The following LPP variants were observed in gnomAD, a reference collection of about 807,000 sequenced individuals.
LPP encodes LIM domain containing preferred translocation partner in lipoma.
In LPP, 38 loss-of-function variants were observed where a neutral mutation model predicts 60.4. The observed-to-expected ratio is 0.63, with a 90% confidence interval of 0.49 to 0.83. The LOEUF (loss-of-function observed/expected upper bound fraction) is 0.83. Among genes scored for constraint, LPP ranks in the 40% least tolerant of loss-of-function variants. The probability of loss-of-function intolerance (pLI) is 0.00; values close to 1 mark genes in which losing one functional copy is unlikely to be tolerated. For synonymous variants in LPP, 328 were observed against 290.8 expected, an observed-to-expected ratio of 1.13 and a Z score of -1.30; for missense variants, 902 against 783.6, an observed-to-expected ratio of 1.15 and a Z score of -1.80.
In LPP at chr3:188,609,190, A is replaced by T; in HGVS notation, c.459A>T (p.Pro153=). 6.2e-7 allele frequency: 1 copy of T among 1,612,582 alleles called. No individual in the cohort carries two copies. The highest frequency in any genetic ancestry group is 8.5e-7 in the Non-Finnish European group (1 of 1,179,286). ...QSSTGSTASP[P]VSTPVTGHKR... ...CCACTGGTTCAACAGCCTCTCCTCC[A>T]GTTTCGACCCCAGTCACAGGACACA... Residue 153 remains proline, a synonymous_variant, in exon 7 of 12, where the codon CCA becomes CCT. Transcript: ENST00000617246. This position sits in a 1 kb window ranked among gnomAD's most constrained non-coding sequence, Gnocchi z 6.9.
chr3:188,884,864 C>A lies in LPP; in HGVS notation c.*10385C>A. On this transcript the variant is annotated 3_prime_UTR_variant, in exon 12 of 12. Coordinates refer to ENST00000617246, the MANE Select transcript of LPP (RefSeq NM_001375462.1). Reference sequence around the variant, plus strand: ...ATTTCCGATAGAGCCGATCCATGAGCTAACAATGTCTGAAAACAAATGTTA... The same window carrying A: ...ATTTCCGATAGAGCCGATCCATGAGATAACAATGTCTGAAAACAAATGTTA... The A allele has an allele frequency of 4.4e-6, 1 of 225,380 alleles. No individual in the cohort carries two copies. Among genetic ancestry groups the A allele is most frequent in the East Asian group, 6.4e-5 (1 of 15,564 alleles). The allele number at this position is 225,380 out of a possible 1,614,324, so 14.0% of individuals were successfully genotyped here. A position where few individuals can be genotyped will look rare whatever the true frequency, so the allele number is the denominator to read the frequency against.
At chr3:188,521,633 A>G (rs1365886185) in intron 5 of LPP, among the ~76,000 whole-genome samples, 1 of 152,218 alleles carries the variant, frequency 6.6e-6, no homozygotes, top group Non-Finnish European at 1.5e-5. Flanking sequence ...TGGTTGCTAT[A>G]ATTAATGCTA....
At chr3:188,548,918 C>T (rs1827347148) in intron 6 of LPP, among the ~76,000 whole-genome samples, 1 of 152,226 alleles carries the variant, frequency 6.6e-6, no homozygotes, top group Admixed American at 6.5e-5. Flanking sequence ...AAAATTACAT[C>T]TAGGTAGTAG....
chr3:188,682,032 T>A (rs1033884601), intron 7 of LPP, among the ~76,000 whole-genome samples: 2 of 152,220 alleles, frequency 1.3e-5, no homozygotes, highest in African/African-American at 4.8e-5. Context: ...ATTGTCTTAT[T>A]TGATCTTCAC....
intron 2 of LPP, chr3:188,240,031 A>G: frequency 5.1e-6 from 1 of 196,902 alleles, no homozygotes; most frequent in Non-Finnish European, 1.1e-5. Context: ...GAGAGCAAGA[A>G]ATAGAGATGG....
At chr3:188,193,383 G>A (rs187190545) in intron 1 of LPP, among the ~76,000 whole-genome samples, 206 of 152,198 alleles carry the variant, frequency 1.4e-3, no homozygotes, top group Middle Eastern at 6.8e-3. Flanking sequence ...TCTGTGTCTC[G>A]GTTTCCTTAC....
At chr3:188,311,741 C>T (rs765100598) in intron 2 of LPP, among the ~76,000 whole-genome samples, 1 of 151,936 alleles carries the variant, frequency 6.6e-6, no homozygotes, top group African/African-American at 2.4e-5. Context: ...CGAATTCAAG[C>T]GATTCTCCTG....
rs533538306 is a variant in LPP, at chr3:188,816,233, G to T, written c.1411-49967G>T. On this transcript the variant is annotated intron_variant, in intron 9 of 11. Transcript: ENST00000617246. Reference sequence around the variant, plus strand: ...TTTTTTTTTTTTGAGATGGAGTCTCGCTCTGTCGCCCAGGCTGGAGTGCGG... The same window carrying T: ...TTTTTTTTTTTTGAGATGGAGTCTCTCTCTGTCGCCCAGGCTGGAGTGCGG... 1.1e-4 allele frequency among the ~76,000 whole-genome samples: 13 copies of T among 121,384 alleles called. No homozygotes were observed. In the South Asian group the frequency reaches 2.8e-3, roughly 26 times the overall value. 79.6% of individuals were successfully genotyped at this position (121,384 alleles called of 152,430 possible). A position where few individuals can be genotyped will look rare whatever the true frequency, so the allele number is the denominator to read the frequency against.
intron 9 of LPP, among the ~76,000 whole-genome samples, chr3:188,779,544 T>G (rs1249269842): frequency 6.6e-6 from 1 of 152,008 alleles, no homozygotes; most frequent in Non-Finnish European, 1.5e-5. Context: ...TTACAAAAGA[T>G]ACAAACAGAA....
chr3:188,389,100 T>C (rs982356357), intron 3 of LPP, among the ~76,000 whole-genome samples: 1 of 152,118 alleles, frequency 6.6e-6, no homozygotes, highest in Non-Finnish European at 1.5e-5. Flanking sequence ...TCCCTGATTA[T>C]TATTTAAGTT....
chr3:188,854,325 G>A lies in LPP; in HGVS notation c.1411-11875G>A, dbSNP rs933459582. ...TAGTGTCAGAAAATATTACAGCCAA[G>A]ATACTGTTTAAGGGAAGCAAATTAC... On this transcript the variant is annotated intron_variant, in intron 9 of 11. Transcript: ENST00000617246. 7.2e-5 allele frequency among the ~76,000 whole-genome samples: 11 copies of A among 152,176 alleles called. No homozygotes were observed. The East Asian group carries it at 1.7e-3, about 24-fold the overall frequency.
At chr3:188,634,702 G>A (rs1241384585) in intron 7 of LPP, among the ~76,000 whole-genome samples, 1 of 152,200 alleles carries the variant, frequency 6.6e-6, no homozygotes, top group East Asian at 1.9e-4. Flanking sequence ...TCTAATGCCT[G>A]ATGATCTGTC....
chr3:188,154,466 G>T (rs1234540302), intron 1 of LPP, among the ~76,000 whole-genome samples: 1 of 152,052 alleles, frequency 6.6e-6, no homozygotes, highest in Non-Finnish European at 1.5e-5. Context: ...CAAAAGCGTC[G>T]ACCCCAGGCT....
chr3:188,795,998 A>G, intron 9 of LPP, among the ~76,000 whole-genome samples: 1 of 152,166 alleles, frequency 6.6e-6, no homozygotes, highest in Non-Finnish European at 1.5e-5. Context: ...TATTCAGCCA[A>G]TCTCAGTTGA....
At chr3:188,712,011 C>T (rs1436767637) in intron 8 of LPP, 2 of 152,050 alleles carry the variant, frequency 1.3e-5, no homozygotes, top group East Asian at 1.9e-4. Flanking sequence ...GAAGTGTCCA[C>T]GTGAGAAGTA....
intron 2 of LPP, among the ~76,000 whole-genome samples, chr3:188,242,001 T>A (rs1725071156): frequency 6.6e-6 from 1 of 152,226 alleles, no homozygotes; most frequent in East Asian, 1.9e-4. Context: ...TCCTCTTGAG[T>A]TACAGTGAGT....
At chr3:188,564,019 C>T (rs542623326) in intron 6 of LPP, among the ~76,000 whole-genome samples, 7 of 151,944 alleles carry the variant, frequency 4.6e-5, no homozygotes, top group East Asian at 1.9e-4. Flanking sequence ...CACGACTCTT[C>T]GCTGAGATAG....
chr3:188,540,901 C>T (rs1280231437), intron 6 of LPP, among the ~76,000 whole-genome samples: 1 of 152,178 alleles, frequency 6.6e-6, no homozygotes, highest in Non-Finnish European at 1.5e-5. Context: ...GGACATCTCT[C>T]TGTTCTTGTG....
intron 4 of LPP, among the ~76,000 whole-genome samples, chr3:188,464,979 G>GAA (rs35304055): frequency 0.2 from 20,801 of 102,542 alleles, 2,190 homozygotes; most frequent in Middle Eastern, 0.34. Context: ...GCTTACTATG[G>GAA]AAAAAAAAAA....
Sources: gnomAD v4.1 joint callset for allele counts (sites outside exome capture counted in the v4.1 genomes callset) on GRCh38, gnomAD v4.1.1 for gene constraint, Gnocchi (gnomAD v3.1) non-coding constraint, MANE v1.5 for transcripts, NCBI Gene and HGNC (gene_info 2026-07-23, HGNC 2026-07-21) for gene names.